RFC3: variants seen among roughly 807,000 people sequenced by gnomAD.
The protein encoded by RFC3 is replication factor C subunit 3.
Under a neutral mutation model 45.1 loss-of-function variants are expected in RFC3, and 41 were observed. The observed-to-expected ratio is 0.91, with a 90% CI of 0.71 to 1.18. The LOEUF (loss-of-function observed/expected upper bound fraction) is 1.18, where lower values mean the gene tolerates loss of function less well. Ranked by LOEUF, RFC3 falls within the 50% of genes most tolerant of loss-of-function variation. The pLI, the probability that RFC3 is intolerant of heterozygous loss-of-function variation, is 0.00. For missense variants in RFC3, 423 were observed against 428.1 expected (o/e 0.99, Z 0.10); for synonymous variants, 149 against 144.0 (o/e 1.03, Z -0.25).
At chr13:33,940,098 C>T (rs2082913593) in intron 8 of RFC3, among the ~76,000 whole-genome samples, 2 of 151,838 alleles carry the variant, frequency 1.3e-5, no homozygotes. Flanking sequence ...TGTTTTCTTC[C>T]TACTGCCTTA....
intron 8 of RFC3, among the ~76,000 whole-genome samples, chr13:33,880,280 G>T (rs1328188443): frequency 6.6e-6 from 1 of 152,166 alleles, no homozygotes; most frequent in African/African-American, 2.4e-5. Flanking sequence ...TTCTAATATA[G>T]TCAAATTTTA....
chr13:33,889,043 C>T (rs1044097260), intron 8 of RFC3, among the ~76,000 whole-genome samples: 17 of 152,176 alleles, frequency 1.1e-4, no homozygotes, highest in Non-Finnish European at 1.5e-4. Context: ...CGCGCCCGGC[C>T]CTTTAAAGAA....
intron 8 of RFC3, among the ~76,000 whole-genome samples, chr13:33,910,116 C>T (rs1354274355): frequency 6.6e-6 from 1 of 152,056 alleles, no homozygotes; most frequent in Non-Finnish European, 1.5e-5. Context: ...TGACTACATA[C>T]ATTAATTCAC....
the RFC3 span, among the ~76,000 whole-genome samples, chr13:33,977,130 A>G: frequency 1.3e-4 from 20 of 152,324 alleles, no homozygotes; most frequent in East Asian, 3.9e-3. Flanking sequence ...ATCAAAAACA[A>G]TGAAAGTCTG....
chr13:33,954,780 G>A (rs1422874867), intron 8 of RFC3, among the ~76,000 whole-genome samples: 1 of 151,998 alleles, frequency 6.6e-6, no homozygotes, highest in Non-Finnish European at 1.5e-5. Flanking sequence ...TCCTCACGAG[G>A]GCTCCATCCT....
the RFC3 span, among the ~76,000 whole-genome samples, chr13:33,974,926 G>A: frequency 6.6e-6 from 1 of 152,138 alleles, no homozygotes; most frequent in Admixed American, 6.5e-5. Flanking sequence ...TGGAACAAGA[G>A]GAACTCTCAT....
At chr13:33,945,704 C>T (rs868680017) in intron 8 of RFC3, among the ~76,000 whole-genome samples, 5 of 152,294 alleles carry the variant, frequency 3.3e-5, no homozygotes, top group Middle Eastern at 6.8e-3. Context: ...ATATACGCTG[C>T]CTGATAATCA....
At chr13:33,897,374 T>A (rs903688235) in intron 8 of RFC3, among the ~76,000 whole-genome samples, 2 of 152,020 alleles carry the variant, frequency 1.3e-5, no homozygotes. Flanking sequence ...TATATGAAAT[T>A]TTTTTGATAA....
chr13:33,937,145 G>A (rs1323542185), intron 8 of RFC3, among the ~76,000 whole-genome samples: 3 of 152,040 alleles, frequency 2.0e-5, no homozygotes, highest in South Asian at 2.1e-4. Flanking sequence ...TGTGAGAGTC[G>A]CCCCATAAGA....
At chr13:33,844,833 T>C (rs1396083388) in intron 8 of RFC3, among the ~76,000 whole-genome samples, 1 of 152,224 alleles carries the variant, frequency 6.6e-6, no homozygotes, top group East Asian at 1.9e-4. Context: ...TACAGTGTTA[T>C]AATATTCTAT....
chr13:33,968,317 G>A (rs780447378), downstream of RFC3, among the ~76,000 whole-genome samples: 2 of 152,122 alleles, frequency 1.3e-5, no homozygotes, highest in South Asian at 4.1e-4. Context: ...TCGTAGAGAC[G>A]AGGTTTCACA....
intron 8 of RFC3, among the ~76,000 whole-genome samples, chr13:33,889,142 G>A (rs2082547490): frequency 6.6e-6 from 1 of 152,188 alleles, no homozygotes; most frequent in Non-Finnish European, 1.5e-5. Context: ...AGACGAGACT[G>A]GACTTAGCAT....
chr13:33,953,229 T>G (rs1467910267), intron 8 of RFC3, among the ~76,000 whole-genome samples: 1 of 151,872 alleles, frequency 6.6e-6, no homozygotes, highest in Non-Finnish European at 1.5e-5. Flanking sequence ...TTTGTGAATA[T>G]TCTGTTGCTC....
intron 8 of RFC3, among the ~76,000 whole-genome samples, chr13:33,928,339 CCATGGTTGT>C (rs1447928398): frequency 6.6e-6 from 1 of 152,092 alleles, no homozygotes; most frequent in Non-Finnish European, 1.5e-5. Context: ...GCAGTTATAT[CCATGGTTGT>C]AAAGGTTGAT....
chr13:33,842,147 G>T (rs540245660), downstream of RFC3, among the ~76,000 whole-genome samples: 1 of 152,206 alleles, frequency 6.6e-6, no homozygotes, highest in Non-Finnish European at 1.5e-5. Context: ...AATTAGCTGG[G>T]TGTAGTGGTA....
At chr13:33,896,184 T>C (rs2082597271) in intron 8 of RFC3, among the ~76,000 whole-genome samples, 1 of 151,212 alleles carries the variant, frequency 6.6e-6, no homozygotes, top group Non-Finnish European at 1.5e-5. Context: ...TATATGTATA[T>C]ATATAATTTT....
chr13:33,825,076 A>G lies in RFC3; in HGVS notation c.294-713A>G, dbSNP rs377350470. ...TTCTCATCGTGAGTTCTTCTGAAGC[A>G]TAGATAAGCAATTGGAGAATAAGCC... On this transcript the variant is annotated intron_variant, in intron 3 of 8. Coordinates refer to ENST00000380071, the MANE Select transcript of RFC3 (RefSeq NM_002915.4). Among the ~76,000 whole-genome samples the G allele has an allele frequency of 7.2e-5, 11 of 152,310 alleles. No homozygotes were observed. The South Asian group carries it at 1.2e-3, about 17-fold the overall frequency.
chr13:33,902,875 T>C (rs1193318492), intron 8 of RFC3, among the ~76,000 whole-genome samples: 1 of 151,770 alleles, frequency 6.6e-6, no homozygotes, highest in Non-Finnish European at 1.5e-5. Context: ...AGAATTGTCT[T>C]GGGCCACACT....
intron 8 of RFC3, chr13:33,849,860 G>A (rs2082265010): frequency 6.6e-6 from 1 of 151,952 alleles, no homozygotes; most frequent in African/African-American, 2.4e-5. Context: ...CTGGACTACA[G>A]AGTAAGACTC....
Sources: gnomAD v4.1 joint callset for allele counts (sites outside exome capture counted in the v4.1 genomes callset) on GRCh38, gnomAD v4.1.1 for gene constraint, MANE v1.5 for transcripts, NCBI Gene and HGNC (gene_info 2026-07-23, HGNC 2026-07-21) for gene names.